Variants in ATL2 observed in about 807,000 individuals in gnomAD.
ATL2 encodes atlastin GTPase 2, also known as atlastin-2.
Under a neutral mutation model 73.9 loss-of-function variants are expected in ATL2, and 31 were observed. The observed-to-expected ratio is 0.42, with a 90% confidence interval of 0.32 to 0.57. ATL2 has a LOEUF of 0.57. Ranked by LOEUF, ATL2 falls within the 20% of genes least tolerant of loss-of-function variation. The pLI is 0.14. For missense variants in ATL2, 738 were observed against 702.6 expected (o/e 1.05, Z -0.57); for synonymous variants, 291 against 237.5 (o/e 1.23, Z -2.07).
At chr2:38,304,162 GAAAC>G (rs1390955829) in intron 9 of ATL2, among the ~76,000 whole-genome samples, 2 of 152,072 alleles carry the variant, frequency 1.3e-5, no homozygotes, top group Non-Finnish European at 2.9e-5. Context: ...CAACAGAAAA[GAAAC>G]AAACAACATA....
intron 2 of ATL2, among the ~76,000 whole-genome samples, chr2:38,338,267 T>A (rs1232730898): frequency 2.0e-5 from 3 of 152,052 alleles, no homozygotes; most frequent in Admixed American, 1.3e-4. Flanking sequence ...GGTACTCACG[T>A]ACACAAAGAT....
At chr2:38,331,628 A>G (rs913644586) in intron 2 of ATL2, among the ~76,000 whole-genome samples, 1 of 151,076 alleles carries the variant, frequency 6.6e-6, no homozygotes, top group African/African-American at 2.4e-5. Context: ...AAAAAAAAAA[A>G]AAATAGAACA....
At chr2:38,341,879 C>T (rs1162598905) in intron 2 of ATL2, among the ~76,000 whole-genome samples, 2 of 152,188 alleles carry the variant, frequency 1.3e-5, no homozygotes, top group African/African-American at 2.4e-5. Flanking sequence ...ACAAATGTCA[C>T]AGAACTCATA....
intron 1 of ATL2, among the ~76,000 whole-genome samples, chr2:38,360,263 T>G (rs1670933421): frequency 6.6e-6 from 1 of 151,718 alleles, no homozygotes; most frequent in Non-Finnish European, 1.5e-5. Flanking sequence ...GGGATTCTTT[T>G]TTTTTTTTTT....
chr2:38,363,227 C>T (rs115979855), intron 1 of ATL2, among the ~76,000 whole-genome samples: 5 of 152,262 alleles, frequency 3.3e-5, no homozygotes, highest in African/African-American at 1.2e-4. Flanking sequence ...AATGCATCAT[C>T]CTCCAACTAA....
At chr2:38,364,495 G>A (rs1055531519) in intron 1 of ATL2, among the ~76,000 whole-genome samples, 1 of 152,192 alleles carries the variant, frequency 6.6e-6, no homozygotes. Context: ...CAGTAAAAAT[G>A]GAAGAGCTAG....
At chr2:38,337,838 G>A (rs1444899635) in intron 2 of ATL2, among the ~76,000 whole-genome samples, 4 of 152,024 alleles carry the variant, frequency 2.6e-5, no homozygotes, top group Non-Finnish European at 4.4e-5. Flanking sequence ...AGAAAAAACA[G>A]GAAATGGTAT....
At chr2:38,314,372 T>C (rs1667915612) in intron 6 of ATL2, among the ~76,000 whole-genome samples, 1 of 152,202 alleles carries the variant, frequency 6.6e-6, no homozygotes, top group African/African-American at 2.4e-5. Context: ...GAAACATTAC[T>C]CCCCTTAATC....
intron 2 of ATL2, among the ~76,000 whole-genome samples, chr2:38,333,615 T>C (rs1183014735): frequency 2.0e-5 from 3 of 152,220 alleles, no homozygotes; most frequent in African/African-American, 7.2e-5. Flanking sequence ...AAAAAAGATC[T>C]GTAATTTATG....
In ATL2 at chr2:38,302,028, C is replaced by T. The variant is rs576461232; in HGVS notation, c.1072-1700G>A. ...GTAGAATGCGGCATAAGGCAGAGCCCTAAGGCCCCAATTTCAGTCCCCAGT... is the reference window on the plus strand; with the variant it reads ...GTAGAATGCGGCATAAGGCAGAGCCTTAAGGCCCCAATTTCAGTCCCCAGT... On this transcript the variant is annotated intron_variant, in intron 9 of 12. Transcript: ENST00000378954. Among the ~76,000 whole-genome samples, 3 of 152,290 alleles carry T rather than the reference C, an allele frequency of 2.0e-5. No homozygotes were observed. In the South Asian group the frequency reaches 6.2e-4, roughly 32 times the overall value.
rs1242425652 is a variant in ATL2, at chr2:38,294,941, CTT to C, written c.*1051_*1052del. ...ACTGAAAATAAATTACAGGAAATAA[CTT>C]TAAAATGCAACAGAGGACAAAGTCA... On this transcript the variant is annotated 3_prime_UTR_variant, in exon 13 of 13. Transcript: ENST00000378954. 1 of 130,296 alleles carries C rather than the reference CTT, an allele frequency of 7.7e-6. No homozygotes were observed. Among genetic ancestry groups the C allele is most frequent in the Non-Finnish European group, 1.6e-5 (1 of 63,826 alleles). 8.1% of individuals were successfully genotyped at this position (130,296 alleles called of 1,614,324 possible). A position where few individuals can be genotyped will look rare whatever the true frequency, so the allele number is the denominator to read the frequency against.
In ATL2 at chr2:38,370,387, TAC is replaced by T. The variant is rs1671608872; in HGVS notation, c.118+6754_118+6755del. Among the ~76,000 whole-genome samples, 3 of 132,442 alleles carry T rather than the reference TAC, an allele frequency of 2.3e-5. No individual in the cohort carries two copies. The South Asian group carries it at 7.3e-4, about 32-fold the overall frequency. 86.9% of individuals were successfully genotyped at this position (132,442 alleles called of 152,430 possible). ...TCACTTGAACCTGGGAGGCGGAGGT[TAC>T]AGTGAGCCAAGATCGCGCCACTGCG... On this transcript the variant is annotated intron_variant, in intron 1 of 12. Transcript: ENST00000378954.
intron 1 of ATL2, among the ~76,000 whole-genome samples, chr2:38,352,617 G>A (rs1434395119): frequency 6.6e-6 from 1 of 152,228 alleles, no homozygotes; most frequent in African/African-American, 2.4e-5. Context: ...ACTATGCAAT[G>A]CTTAACAGAA....
chr2:38,363,922 ACGG>A (rs1671154565), intron 1 of ATL2, among the ~76,000 whole-genome samples: 2 of 152,192 alleles, frequency 1.3e-5, no homozygotes, highest in Non-Finnish European at 2.9e-5. Flanking sequence ...CATTCTGAAG[ACGG>A]CTGCACCTCT....
intron 2 of ATL2, among the ~76,000 whole-genome samples, chr2:38,334,913 TA>T (rs1421084227): frequency 7.2e-6 from 1 of 139,534 alleles, no homozygotes; most frequent in African/African-American, 2.6e-5. Context: ...TTATAATATA[TA>T]AATATATTTA....
At chr2:38,315,238 C>T (rs753068589) in intron 5 of ATL2, 46 bp downstream of exon 5, 4 of 1,414,138 alleles carry the variant, frequency 2.8e-6, no homozygotes, top group Admixed American at 3.4e-5. Flanking sequence ...GGAACAAGAG[C>T]GAAACTCCAT....
At chr2:38,325,695 C>CACACACA (rs1558412023) in intron 2 of ATL2, among the ~76,000 whole-genome samples, 6 of 9,248 alleles carry the variant, frequency 6.5e-4, no homozygotes, top group Admixed American at 1.3e-3. Context: ...CACACACACA[C>CACACACA]CAGTACACAC....
chr2:38,330,155 C>T (rs1553335488), intron 2 of ATL2, among the ~76,000 whole-genome samples: 1 of 144,474 alleles, frequency 6.9e-6, no homozygotes, highest in Non-Finnish European at 1.5e-5. Flanking sequence ...AAAAAAAACA[C>T]ATGATAATAT....
At position 38,343,149 on chromosome 2, in the gene ATL2, TAAAAAAAAAAAAAAA is replaced by T. The variant is rs59215933; in HGVS notation, c.363+104_363+118del. ...GGTAACAGAGTGAGACCACTTAAATTAAAAAAAAAAAAAAAAAAAAAAAAAAAAAGATATAGTTCT... is the reference window on the plus strand; with the variant it reads ...GGTAACAGAGTGAGACCACTTAAATTAAAAAAAAAAAAAAGATATAGTTCT... On this transcript the variant is annotated intron_variant, in intron 2 of 12. Transcript: ENST00000378954. The T allele has an allele frequency of 1.4e-3, 527 of 364,082 alleles. 2 individuals are homozygous for T. The highest frequency in any genetic ancestry group is 2.0e-3 in the South Asian group (46 of 23,550). 22.6% of individuals were successfully genotyped at this position (364,082 alleles called of 1,614,324 possible).
Sources: allele counts gnomAD v4.1 joint callset (sites outside exome capture counted in the v4.1 genomes callset), GRCh38; gene constraint gnomAD v4.1.1; transcripts MANE v1.5; gene names NCBI Gene and HGNC (gene_info 2026-07-23, HGNC 2026-07-21).